Variants in CIT observed in about 807,000 individuals in gnomAD.
CIT encodes citron rho-interacting serine/threonine kinase.
CIT carries 79 observed loss-of-function variants against 272.7 expected under a neutral mutation model. The observed-to-expected ratio is 0.29, with a 90% CI of 0.24 to 0.35. CIT has a LOEUF of 0.35. Among genes scored for constraint, CIT ranks in the 10% least tolerant of loss-of-function variants. CIT has a pLI of 1.00. For missense variants in CIT, 1,909 were observed against 2,618.3 expected, an observed-to-expected ratio of 0.73 and a Z score of 5.91; for synonymous variants, 948 against 995.6, an observed-to-expected ratio of 0.95 and a Z score of 0.90.
In CIT at chr12:119,694,980, G is replaced by A. The variant is rs1242446468; in HGVS notation, c.5882+2679C>T. ...CTAGAAATTAACCCTAGCCCTTTGC[G>A]CGGCCACTCTCGAGGCAGGGTCAAA... On this transcript the variant is annotated intron_variant, in intron 46 of 47. Transcript: ENST00000392521. The surrounding 1 kb of genome is among the most constrained non-coding windows in gnomAD (Gnocchi z 4.5). Among the ~76,000 whole-genome samples, 1 of 152,032 alleles carries A rather than the reference G, an allele frequency of 6.6e-6. No individual in the cohort carries two copies. Among genetic ancestry groups the A allele is most frequent in the East Asian group, 1.9e-4 (1 of 5,188 alleles).
At chr12:119,815,901 A>G (rs1056900207) in intron 9 of CIT, among the ~76,000 whole-genome samples, 1 of 152,082 alleles carries the variant, frequency 6.6e-6, no homozygotes, top group East Asian at 1.9e-4. Context: ...CCTTCTGTAT[A>G]ATGTGAATTT....
chr12:119,700,596 T>G lies in CIT; in HGVS notation c.5623+149A>C, dbSNP rs576638075. 72 of 678,676 alleles carry G rather than the reference T, an allele frequency of 1.1e-4. 1 individual carries two copies. The Middle Eastern group carries it at 1.9e-3, about 18-fold the overall frequency. 42.0% of individuals were successfully genotyped at this position (678,676 alleles called of 1,614,324 possible). Reference sequence around the variant, plus strand: ...TGGGGTTTCGCCATGTTGGTCAGGCTGGGCTCAAACTCCTGACCTCATGAT... The same window carrying G: ...TGGGGTTTCGCCATGTTGGTCAGGCGGGGCTCAAACTCCTGACCTCATGAT... On this transcript the variant is annotated intron_variant, in intron 44 of 47. Coordinates refer to ENST00000392521, the MANE Select transcript of CIT (RefSeq NM_001206999.2).
At chr12:119,742,752 A>G (rs967948894) in intron 23 of CIT, 9 of 271,296 alleles carry the variant, frequency 3.3e-5, no homozygotes, top group African/African-American at 1.3e-4. Context: ...GAGAAAAGGG[A>G]AAAAAAGCAA....
At chr12:119,854,303 A>T (rs760685197) in intron 4 of CIT, among the ~76,000 whole-genome samples, 11 of 149,564 alleles carry the variant, frequency 7.4e-5, no homozygotes, top group Non-Finnish European at 1.6e-4. Flanking sequence ...CTGGGATTAC[A>T]GGCGTGAGCC....
chr12:119,736,317 A>C (rs1245824486), intron 24 of CIT, among the ~76,000 whole-genome samples: 3 of 152,152 alleles, frequency 2.0e-5, no homozygotes, highest in African/African-American at 4.8e-5. Flanking sequence ...CCTAGAGTCG[A>C]TTTCGTTTAT....
chr12:119,817,212 A>C (rs1278628131), intron 9 of CIT, among the ~76,000 whole-genome samples: 1 of 152,202 alleles, frequency 6.6e-6, no homozygotes, highest in African/African-American at 2.4e-5. Flanking sequence ...TATTTTGCTT[A>C]AAATCAAGCA....
At chr12:119,735,662 C>T (rs1958712217) in intron 24 of CIT, among the ~76,000 whole-genome samples, 4 of 152,046 alleles carry the variant, frequency 2.6e-5, no homozygotes, top group Admixed American at 1.3e-4. Context: ...ATCAAATTGA[C>T]GGAAATAATA....
intron 9 of CIT, among the ~76,000 whole-genome samples, chr12:119,805,541 G>A (rs1966541021): frequency 6.6e-6 from 1 of 152,188 alleles, no homozygotes; most frequent in Non-Finnish European, 1.5e-5. Context: ...CATCTTTCCT[G>A]CACAGGGCAG....
chr12:119,855,579 T>C (rs1970533801), intron 4 of CIT, among the ~76,000 whole-genome samples: 1 of 151,380 alleles, frequency 6.6e-6, no homozygotes, highest in Admixed American at 6.6e-5. Context: ...TTTCCTTCCC[T>C]TCACTGCTTG....
intron 23 of CIT, 152 bp downstream of exon 23, chr12:119,751,898 A>C: frequency 1.5e-6 from 1 of 674,378 alleles, no homozygotes; most frequent in East Asian, 2.9e-5. Context: ...GCAGCAGCCT[A>C]TGTAAGCCAA....
In CIT at chr12:119,750,815, G is replaced by A. The variant is rs184535597; in HGVS notation, c.2904+1235C>T. On this transcript the variant is annotated intron_variant, in intron 23 of 47. Coordinates refer to ENST00000392521, the MANE Select transcript of CIT (RefSeq NM_001206999.2). ...TAGATAGAGATATAGAGATGTACACGTGCATTACATCGAGGTAAAGTGTAA... is the reference window on the plus strand; with the variant it reads ...TAGATAGAGATATAGAGATGTACACATGCATTACATCGAGGTAAAGTGTAA... 2.1e-4 allele frequency among the ~76,000 whole-genome samples: 32 copies of A among 152,068 alleles called. No individual in the cohort carries two copies. In the East Asian group the frequency reaches 3.9e-3, roughly 18 times the overall value.
intron 46 of CIT, among the ~76,000 whole-genome samples, chr12:119,691,578 G>A (rs1034673483): frequency 5.3e-5 from 8 of 152,138 alleles, no homozygotes; most frequent in African/African-American, 1.2e-4. Flanking sequence ...AAAGTAAAGC[G>A]GGCTCAGAAA....
intron 9 of CIT, among the ~76,000 whole-genome samples, chr12:119,818,427 T>C (rs1244132552): frequency 1.3e-5 from 2 of 152,210 alleles, no homozygotes; most frequent in African/African-American, 2.4e-5. Context: ...AAAGACTGTC[T>C]TCCCTCAGGA....
chr12:119,743,626 G>C (rs1290293325), intron 23 of CIT, among the ~76,000 whole-genome samples: 1 of 152,182 alleles, frequency 6.6e-6, no homozygotes, highest in Non-Finnish European at 1.5e-5. Context: ...TTCTGCTTTA[G>C]ATACTATAAC....
intron 3 of CIT, among the ~76,000 whole-genome samples, chr12:119,860,537 A>G (rs1480024310): frequency 6.6e-6 from 1 of 152,026 alleles, no homozygotes; most frequent in Non-Finnish European, 1.5e-5. Context: ...TGATTTTGTT[A>G]TTGCTCATAC....
intron 20 of CIT, among the ~76,000 whole-genome samples, chr12:119,759,831 A>G (rs1038059960): frequency 2.0e-5 from 3 of 152,152 alleles, no homozygotes; most frequent in Non-Finnish European, 2.9e-5. Flanking sequence ...TTAAAAAATC[A>G]TAAGAATTGG....
intron 19 of CIT, among the ~76,000 whole-genome samples, chr12:119,765,719 A>G (rs1962372810): frequency 6.6e-6 from 1 of 151,852 alleles, no homozygotes. Flanking sequence ...TGATTCACCC[A>G]TCTCGGCCTC....
intron 30 of CIT, chr12:119,719,124 T>C: frequency 2.4e-6 from 1 of 419,516 alleles, no homozygotes; most frequent in Non-Finnish European, 4.5e-6. Flanking sequence ...TCCTCTAGCA[T>C]TGCCAAGACA....
Position 119,734,153 on chromosome 12 carries a change from C to T in CIT, c.3350+11G>A, listed in dbSNP as rs1170643897. 4 of 1,612,616 alleles carry T rather than the reference C, an allele frequency of 2.5e-6. No homozygotes were observed. Among genetic ancestry groups the T allele is most frequent in the Non-Finnish European group, 2.5e-6 (3 of 1,179,586 alleles). On this transcript the variant is annotated intron_variant, in intron 26 of 47. Transcript: ENST00000392521. ...ACCTGTCATGAGCTTTCCACAAACA[C>T]AAAGCCCCACCTGCTCTGTTTCTCG...
Sources: allele counts gnomAD v4.1 joint callset (sites outside exome capture counted in the v4.1 genomes callset), GRCh38; gene constraint gnomAD v4.1.1; non-coding constraint Gnocchi (gnomAD v3.1); transcripts MANE v1.5; gene names NCBI Gene and HGNC (gene_info 2026-07-23, HGNC 2026-07-21).